Variants in TRMT9B observed in about 807,000 individuals in gnomAD.
The protein encoded by TRMT9B is tRNA methyltransferase 9B (putative).
A neutral mutation model predicts 11.5 loss-of-function variants in TRMT9B; 16 were observed. The ratio of observed to expected loss-of-function variants is 1.39; its 90% CI spans 0.94 to 2.11. The LOEUF is 2.11. TRMT9B is among the 30% of genes most tolerant of loss of function. The pLI is 0.00. For missense variants in TRMT9B, 941 were observed against 553.8 expected, an observed-to-expected ratio of 1.70 and a Z score of -7.02; for synonymous variants, 274 against 192.4, an observed-to-expected ratio of 1.42 and a Z score of -3.51.
Position 13,021,069 on chromosome 8 carries a change from C to G in TRMT9B, c.390C>G (p.Val130=). The change falls in exon 5 of 5, where the codon GTC becomes GTG. Residue 130 remains valine, a synonymous_variant. Coordinates refer to ENST00000524591, the MANE Select transcript of TRMT9B (RefSeq NM_020844.3). ...GAGCAATAAAAGAAATGGCCAGGGT[C>G]TTAGTTCCCGGAGGCCAACTGATGA... The part of the protein sequence containing the change: ...RIRAIKEMAR[V]LVPGGQLMIY... The G allele has an allele frequency of 6.2e-7, 1 of 1,600,942 alleles. No homozygotes were observed. The highest frequency in any genetic ancestry group is 8.5e-7 in the Non-Finnish European group (1 of 1,173,104).
chr8:12,954,618 C>T (rs1801063668), intron 1 of TRMT9B, among the ~76,000 whole-genome samples: 1 of 152,144 alleles, frequency 6.6e-6, no homozygotes, highest in Non-Finnish European at 1.5e-5. Context: ...AGGAATTCTT[C>T]TGAAAAGAAT....
chr8:13,010,540 A>T, intron 3 of TRMT9B: 1 of 984,948 alleles, frequency 1.0e-6, no homozygotes, highest in Non-Finnish European at 1.2e-6. Context: ...AGATTTAAAC[A>T]TGAAGGCCAT....
At chr8:13,002,365 A>C (rs529070212) in intron 2 of TRMT9B, among the ~76,000 whole-genome samples, 6 of 152,228 alleles carry the variant, frequency 3.9e-5, no homozygotes, top group Non-Finnish European at 8.8e-5. Flanking sequence ...ACGTAAATAG[A>C]CTAAAATCTA....
Position 12,991,144 on chromosome 8 carries a change from T to C in TRMT9B, c.-2+113T>C, listed in dbSNP as rs1204528759. ...CCCTATAATTTTAAATTTATGACAA[T>C]GTGATATAAAGTAAGTTGGAATTTA... is the stretch of plus-strand genomic sequence containing the variant. On this transcript the variant is annotated intron_variant, in intron 2 of 4. Transcript: ENST00000524591. 2.5e-5 allele frequency: 10 copies of C among 400,122 alleles called. 1 individual carries two copies. The highest frequency in any genetic ancestry group is 9.5e-5 in the South Asian group (2 of 21,064). The allele number at this position is 400,122 out of a possible 1,614,324, so 24.8% of individuals were successfully genotyped here. A position where few individuals can be genotyped will look rare whatever the true frequency, so the allele number is the denominator to read the frequency against.
At chr8:12,963,608 G>A (rs1027815761) in intron 1 of TRMT9B, among the ~76,000 whole-genome samples, 3 of 152,034 alleles carry the variant, frequency 2.0e-5, no homozygotes, top group South Asian at 4.1e-4. Context: ...TTAGCCTGGC[G>A]GTGGTGGAGT....
At position 12,990,022 on chromosome 8, in the gene TRMT9B, A is replaced by T. The variant is rs541513956; in HGVS notation, c.-199-812A>T. ...GACTAGGGTTGGGCTGGTGTAGGGG[A>T]ATGTTGGGGGAAGGCACACGCATCT... On this transcript the variant is annotated intron_variant, in intron 1 of 4. Coordinates refer to ENST00000524591, the MANE Select transcript of TRMT9B (RefSeq NM_020844.3). Among the ~76,000 whole-genome samples, 69 of 152,204 alleles carry T rather than the reference A, an allele frequency of 4.5e-4. 2 individuals carry two copies. Among genetic ancestry groups the T allele is most frequent in the Admixed American group, 3.6e-3 (55 of 15,298 alleles).
intron 2 of TRMT9B, among the ~76,000 whole-genome samples, chr8:13,001,564 A>T (rs1220315218): frequency 6.6e-6 from 1 of 152,248 alleles, no homozygotes; most frequent in East Asian, 1.9e-4. Context: ...GACATTCTTA[A>T]ATTGGAAAAC....
At position 12,945,810 on chromosome 8, in the gene TRMT9B, TC is replaced by T. The variant is rs1196765652; in HGVS notation, c.-355del. 6.6e-6 allele frequency: 1 copy of T among 152,258 alleles called. No individual in the cohort carries two copies. The highest frequency in any genetic ancestry group is 1.5e-5 in the Non-Finnish European group (1 of 68,050). The allele number at this position is 152,258 out of a possible 1,614,324, so 9.4% of individuals were successfully genotyped here. A position where few individuals can be genotyped will look rare whatever the true frequency, so the allele number is the denominator to read the frequency against. On this transcript the variant is annotated 5_prime_UTR_variant, in exon 1 of 5. The change creates a premature stop within an existing upstream ORF in the 5' untranslated region. Transcript: ENST00000524591. Reference sequence around the variant, plus strand: ...TTGTTAGTTTGTTTTGAATTTTTTTTCTTGATGCATATGTTCCTTCAACTTA... The same window carrying T: ...TTGTTAGTTTGTTTTGAATTTTTTTTTTGATGCATATGTTCCTTCAACTTA...
At chr8:12,980,854 C>G (rs140049115) in intron 1 of TRMT9B, among the ~76,000 whole-genome samples, 1 of 152,186 alleles carries the variant, frequency 6.6e-6, no homozygotes, top group Non-Finnish European at 1.5e-5. Flanking sequence ...ATTTCAAGCC[C>G]GGATGGAAGA....
intron 2 of TRMT9B, among the ~76,000 whole-genome samples, chr8:13,003,493 G>T (rs1418415467): frequency 6.6e-6 from 1 of 152,126 alleles, no homozygotes; most frequent in Non-Finnish European, 1.5e-5. Flanking sequence ...GCCAGGTAAA[G>T]CATAGCATAT....
intron 2 of TRMT9B, among the ~76,000 whole-genome samples, chr8:12,996,793 C>G (rs1269307893): frequency 6.6e-6 from 1 of 152,046 alleles, no homozygotes; most frequent in Non-Finnish European, 1.5e-5. Flanking sequence ...CCTCATGTAA[C>G]CCGAGCCCAG....
Position 13,027,659 on chromosome 8 carries a change from T to C in TRMT9B, c.*5615T>C, listed in dbSNP as rs1490759958. On this transcript the variant is annotated 3_prime_UTR_variant, in exon 5 of 5. Coordinates refer to ENST00000524591, the MANE Select transcript of TRMT9B (RefSeq NM_020844.3). The stretch of plus-strand genomic sequence containing the variant: ...ACAAGTAATTCCCACATTCCCTAGA[T>C]ATATACTTGGATTTCAAATGCCATA... The C allele has an allele frequency of 6.0e-6, 1 of 167,074 alleles. No individual in the cohort carries two copies. The highest frequency in any genetic ancestry group is 2.4e-5 in the African/African-American group (1 of 41,448). The allele number at this position is 167,074 out of a possible 1,614,324, so 10.3% of individuals were successfully genotyped here. A position where few individuals can be genotyped will look rare whatever the true frequency, so the allele number is the denominator to read the frequency against.
chr8:12,966,213 G>C (rs1364851499), intron 1 of TRMT9B, among the ~76,000 whole-genome samples: 2 of 151,936 alleles, frequency 1.3e-5, no homozygotes, highest in African/African-American at 4.8e-5. Context: ...CATACCTCTG[G>C]TCCCAGCTAC....
chr8:12,950,123 G>C (rs116911222), intron 1 of TRMT9B, among the ~76,000 whole-genome samples: 2 of 152,164 alleles, frequency 1.3e-5, no homozygotes, highest in Admixed American at 6.6e-5. Flanking sequence ...CAAACTGCTG[G>C]AATAACAGGC....
intron 1 of TRMT9B, among the ~76,000 whole-genome samples, chr8:12,981,506 G>T (rs1805382968): frequency 1.3e-5 from 2 of 152,166 alleles, no homozygotes; most frequent in South Asian, 4.1e-4. Flanking sequence ...GAGCATTGGA[G>T]ATTGGAGACC....
intron 1 of TRMT9B, among the ~76,000 whole-genome samples, chr8:12,966,894 C>G (rs943658423): frequency 1.3e-5 from 2 of 152,172 alleles, no homozygotes; most frequent in Non-Finnish European, 2.9e-5. Flanking sequence ...TTACCACATT[C>G]TTACTACCTT....
chr8:13,013,402 G>A (rs771930392), intron 4 of TRMT9B, among the ~76,000 whole-genome samples: 10 of 152,128 alleles, frequency 6.6e-5, no homozygotes, highest in African/African-American at 1.9e-4. Flanking sequence ...GCCAGAGATC[G>A]TTCATGAGTC....
intron 1 of TRMT9B, chr8:12,952,138 C>T (rs1183433821): frequency 2.2e-6 from 1 of 450,576 alleles, no homozygotes; most frequent in East Asian, 7.2e-5. Context: ...GGCTGCGGGA[C>T]AGCGCTGTGA....
chr8:12,964,707 T>C (rs1173588120), intron 1 of TRMT9B, among the ~76,000 whole-genome samples: 4 of 152,216 alleles, frequency 2.6e-5, no homozygotes, highest in African/African-American at 9.6e-5. Context: ...CCTGAGTAAC[T>C]TGGACTATAA....
Sources: gnomAD v4.1 joint callset for allele counts (sites outside exome capture counted in the v4.1 genomes callset) on GRCh38, gnomAD v4.1.1 for gene constraint, MANE v1.5 for transcripts, NCBI Gene and HGNC (gene_info 2026-07-23, HGNC 2026-07-21) for gene names.